SLC9A9: variants seen among roughly 807,000 people sequenced by gnomAD.
SLC9A9 encodes the protein sodium/hydrogen exchanger 9.
A neutral mutation model predicts 77.8 loss-of-function variants in SLC9A9; 62 were observed. The observed-to-expected ratio is 0.80, with a 90% CI of 0.65 to 0.98. SLC9A9 has a LOEUF of 0.98. SLC9A9 is among the 50% of genes least tolerant of loss of function. SLC9A9 has a pLI of 0.00. For missense variants in SLC9A9, 775 were observed against 774.9 expected, an observed-to-expected ratio of 1.00 and a Z score of 0.00; for synonymous variants, 320 against 283.5, an observed-to-expected ratio of 1.13 and a Z score of -1.29.
chr3:143,484,575 T>G (rs950252559), intron 11 of SLC9A9, among the ~76,000 whole-genome samples: 1 of 152,174 alleles, frequency 6.6e-6, no homozygotes, highest in Non-Finnish European at 1.5e-5. Context: ...ATCCTGAGCC[T>G]AGGGCTGGGA....
At chr3:143,346,384 C>A (rs959136299) in intron 14 of SLC9A9, among the ~76,000 whole-genome samples, 5 of 152,166 alleles carry the variant, frequency 3.3e-5, no homozygotes, top group Non-Finnish European at 7.3e-5. Context: ...CTAGAGAAAA[C>A]TGATTCTTGA....
intron 14 of SLC9A9, among the ~76,000 whole-genome samples, chr3:143,332,354 T>C (rs1322186984): frequency 6.6e-6 from 1 of 152,210 alleles, no homozygotes; most frequent in Non-Finnish European, 1.5e-5. Context: ...ATATTCACCA[T>C]CTTGGTTACA....
chr3:143,311,422 A>C (rs1250845110), intron 14 of SLC9A9, among the ~76,000 whole-genome samples: 1 of 152,232 alleles, frequency 6.6e-6, no homozygotes, highest in East Asian at 1.9e-4. Flanking sequence ...TGAACCCAGC[A>C]TTCTTATTCC....
intron 8 of SLC9A9, among the ~76,000 whole-genome samples, chr3:143,553,665 C>T (rs1414773517): frequency 6.6e-6 from 1 of 152,178 alleles, no homozygotes; most frequent in Non-Finnish European, 1.5e-5. Context: ...ATTGCTAACA[C>T]ATATTTGCAT....
chr3:143,322,612 A>G (rs1455848761), intron 14 of SLC9A9, among the ~76,000 whole-genome samples: 2 of 150,396 alleles, frequency 1.3e-5, no homozygotes, highest in Non-Finnish European at 3.0e-5. Context: ...GGGAAGAGGC[A>G]ACAGGATCTA....
chr3:143,273,922 C>T (rs1355694208), intron 14 of SLC9A9, among the ~76,000 whole-genome samples: 2 of 152,176 alleles, frequency 1.3e-5, no homozygotes, highest in African/African-American at 2.4e-5. Flanking sequence ...TTTTGTCTCC[C>T]TATGTCCATA....
intron 14 of SLC9A9, among the ~76,000 whole-genome samples, chr3:143,354,785 C>T (rs145060837): frequency 6.6e-6 from 1 of 151,808 alleles, no homozygotes; most frequent in African/African-American, 2.4e-5. Flanking sequence ...TCTTTTTTTC[C>T]TAATAAAATG....
chr3:143,465,283 A>G (rs1224916996), intron 12 of SLC9A9, among the ~76,000 whole-genome samples: 1 of 152,194 alleles, frequency 6.6e-6, no homozygotes, highest in African/African-American at 2.4e-5. Flanking sequence ...TTGTCCTATA[A>G]CCTGGATAAC....
chr3:143,622,904 A>G (rs1272325287), intron 6 of SLC9A9, among the ~76,000 whole-genome samples: 1 of 152,220 alleles, frequency 6.6e-6, no homozygotes, highest in African/African-American at 2.4e-5. Flanking sequence ...GCTCAAAATA[A>G]AGGGATGGAG....
At chr3:143,727,072 T>C (rs1576685379) in intron 4 of SLC9A9, among the ~76,000 whole-genome samples, 1 of 151,996 alleles carries the variant, frequency 6.6e-6, no homozygotes, top group South Asian at 2.1e-4. Flanking sequence ...ACTTCCCTAA[T>C]GATAGGACAA....
intron 5 of SLC9A9, among the ~76,000 whole-genome samples, chr3:143,664,722 T>C (rs935220991): frequency 6.6e-6 from 1 of 152,006 alleles, no homozygotes; most frequent in Non-Finnish European, 1.5e-5. Context: ...CCAACAAAGA[T>C]CAAAAGAGAC....
chr3:143,822,756 TC>T (rs1437025473), intron 2 of SLC9A9, among the ~76,000 whole-genome samples: 1 of 152,126 alleles, frequency 6.6e-6, no homozygotes, highest in African/African-American at 2.4e-5. Flanking sequence ...AATTGAAAGA[TC>T]CATTGTAAAT....
chr3:143,477,892 A>G (rs780672864), intron 11 of SLC9A9, among the ~76,000 whole-genome samples: 2 of 152,168 alleles, frequency 1.3e-5, no homozygotes, highest in Non-Finnish European at 2.9e-5. Flanking sequence ...GTTGAAGAAA[A>G]TCTCCTTCGG....
intron 14 of SLC9A9, among the ~76,000 whole-genome samples, chr3:143,276,072 A>G (rs1938038732): frequency 6.6e-6 from 1 of 151,994 alleles, no homozygotes; most frequent in African/African-American, 2.4e-5. Context: ...TATCCTGCTC[A>G]ATTCTAATTC....
intron 15 of SLC9A9, among the ~76,000 whole-genome samples, chr3:143,267,853 C>A (rs1937776412): frequency 6.6e-6 from 1 of 152,222 alleles, no homozygotes; most frequent in African/African-American, 2.4e-5. Flanking sequence ...TTTGGGAAGG[C>A]CATACTAAAC....
chr3:143,487,443 A>G lies in SLC9A9; in HGVS notation c.1315+6210T>C, dbSNP rs1279391731. Among the ~76,000 whole-genome samples, 3 of 151,870 alleles carry G rather than the reference A, an allele frequency of 2.0e-5. No individual in the cohort carries two copies. In the East Asian group the frequency reaches 5.8e-4, roughly 29 times the overall value. ...AGATCTAACAGACATATACAGAACAATCTACCCAACGACAACAACATACAC... is the reference window on the plus strand; with the variant it reads ...AGATCTAACAGACATATACAGAACAGTCTACCCAACGACAACAACATACAC... On this transcript the variant is annotated intron_variant, in intron 11 of 15. Coordinates refer to ENST00000316549, the MANE Select transcript of SLC9A9 (RefSeq NM_173653.4).
intron 12 of SLC9A9, among the ~76,000 whole-genome samples, chr3:143,419,805 C>G (rs2034264793): frequency 6.6e-6 from 1 of 152,166 alleles, no homozygotes; most frequent in Admixed American, 6.5e-5. Context: ...AGGGAAAGAA[C>G]AGGTTGATGA....
At chr3:143,663,173 G>C (rs903434269) in intron 5 of SLC9A9, among the ~76,000 whole-genome samples, 2 of 152,126 alleles carry the variant, frequency 1.3e-5, no homozygotes, top group Non-Finnish European at 2.9e-5. Flanking sequence ...AGGCAAACAG[G>C]GTCTGCAGTG....
intron 12 of SLC9A9, among the ~76,000 whole-genome samples, chr3:143,462,172 GC>G (rs1339343358): frequency 6.6e-6 from 1 of 152,142 alleles, no homozygotes; most frequent in Non-Finnish European, 1.5e-5. Context: ...TTTGAGATCA[GC>G]TTGGGCAATG....
Sources: allele counts gnomAD v4.1 joint callset (sites outside exome capture counted in the v4.1 genomes callset), GRCh38; gene constraint gnomAD v4.1.1; transcripts MANE v1.5; gene names NCBI Gene and HGNC (gene_info 2026-07-23, HGNC 2026-07-21).